The following IL2RB variants were observed in gnomAD, a reference collection of about 807,000 sequenced individuals.
IL2RB encodes interleukin 2 receptor subunit beta.
Under a neutral mutation model 44.2 loss-of-function variants are expected in IL2RB, and 17 were observed. That is an observed-to-expected ratio of 0.38 (90% CI 0.26 to 0.58). The LOEUF (loss-of-function observed/expected upper bound fraction) is 0.58, where lower values mean the gene tolerates loss of function less well. IL2RB is among the 20% of genes least tolerant of loss of function. The pLI, the probability that IL2RB is intolerant of heterozygous loss-of-function variation, is 0.63. For missense variants in IL2RB, 624 were observed against 685.5 expected, an observed-to-expected ratio of 0.91 and a Z score of 1.00; for synonymous variants, 286 against 297.9, an observed-to-expected ratio of 0.96 and a Z score of 0.41.
rs1921282462 is a variant in IL2RB, at chr22:37,128,894, C to T, written c.904-46G>A. On this transcript the variant is annotated intron_variant, in intron 9 of 9. Transcript: ENST00000216223. The surrounding 1 kb of genome is among the most constrained non-coding windows in gnomAD (Gnocchi z 4.5). The stretch of plus-strand genomic sequence containing the variant: ...GGTGGGTGAGTGGGGGCTTCCTTCA[C>T]CCTCCACCCCTTCCTCTGGACTCTC... The T allele has an allele frequency of 1.3e-6, 2 of 1,550,486 alleles. No individual in the cohort carries two copies. Among genetic ancestry groups the T allele is most frequent in the Non-Finnish European group, 8.7e-7 (1 of 1,145,968 alleles).
At chr22:37,133,036 C>T (rs954398075) in intron 8 of IL2RB, among the ~76,000 whole-genome samples, 2 of 152,192 alleles carry the variant, frequency 1.3e-5, no homozygotes, top group African/African-American at 2.4e-5. Flanking sequence ...TGTACATCAC[C>T]GTGAAGAAAG....
chr22:37,134,096 C>CA (rs1921567971), intron 8 of IL2RB, among the ~76,000 whole-genome samples: 2 of 152,010 alleles, frequency 1.3e-5, no homozygotes, highest in African/African-American at 2.4e-5. Flanking sequence ...GTTCTGCACT[C>CA]ACGGATTCAG....
intron 5 of IL2RB, among the ~76,000 whole-genome samples, chr22:37,138,767 GGGAATTTTCCAGGTGTAAA>G (rs933982649): frequency 6.6e-5 from 10 of 152,226 alleles, no homozygotes; most frequent in Non-Finnish European, 1.0e-4. Flanking sequence ...AAACGTGAGT[GGGAATTTTCCAGGTGTAAA>G]GGGCCTTCCA....
rs1316751578 is a variant in IL2RB, at chr22:37,136,234, G to T, written c.697C>A (p.Pro233Thr). 9 of 1,609,810 alleles carry T rather than the reference G, an allele frequency of 5.6e-6. No homozygotes were observed. The highest frequency in any genetic ancestry group is 7.6e-6 in the Non-Finnish European group (9 of 1,178,982). ...CCTTGCCGCCCACCAGTACCTGCAG[G>T]CTTTGTCCTGAAGGCCAGGGGCTGG... The part of the protein sequence containing the change: ...WSQPLAFRTK[P>T]AALGKDTIPW... Residue 233 changes from proline to threonine, a missense_variant, in exon 7 of 10, where the codon CCT becomes ACT. Pro to Thr is a conservative substitution (Grantham distance 38). Coordinates refer to ENST00000216223, the MANE Select transcript of IL2RB (RefSeq NM_000878.5).
At chr22:37,162,258 C>T (rs1922906807) in intron 1 of IL2RB, among the ~76,000 whole-genome samples, 1 of 152,116 alleles carries the variant, frequency 6.6e-6, no homozygotes, top group African/African-American at 2.4e-5. Flanking sequence ...GGAGTAGGAC[C>T]AGTGTTGTAC....
chr22:37,136,551 C>T, intron 6 of IL2RB, 158 bp from the exon 7 acceptor site: 1 of 747,700 alleles, frequency 1.3e-6, no homozygotes. Context: ...GCCTCAAACC[C>T]CAGGGTCATC....
In IL2RB at chr22:37,137,629, C is replaced by G; in HGVS notation, c.495G>C (p.Leu165=). 1.2e-6 allele frequency: 2 copies of G among 1,614,220 alleles called. No individual in the cohort carries two copies. Among genetic ancestry groups the G allele is most frequent in the Non-Finnish European group, 1.7e-6 (2 of 1,180,030 alleles). ...GGGACAGCGTCCGGGCCTCGAACTC[C>G]AGGTGTCTTTCAAAGTAGTGGGAGG... ...SQASHYFERH[L]EFEARTLSPG... is the part of the protein sequence containing the mutation. The change falls in exon 6 of 10, where the codon CTG becomes CTC. Residue 165 remains leucine (L), a synonymous_variant. Transcript: ENST00000216223.
At chr22:37,155,868 C>T (rs1253852535) in intron 1 of IL2RB, among the ~76,000 whole-genome samples, 2 of 152,202 alleles carry the variant, frequency 1.3e-5, no homozygotes, top group Admixed American at 6.5e-5. Flanking sequence ...GGGAACAAAC[C>T]GCCTCATACC....
intron 1 of IL2RB, among the ~76,000 whole-genome samples, chr22:37,172,756 A>T (rs1209883758): frequency 6.6e-6 from 1 of 152,220 alleles, no homozygotes; most frequent in Non-Finnish European, 1.5e-5. Flanking sequence ...TCAAGCTAGC[A>T]TCGTGATGTC....
chr22:37,163,689 G>A (rs1922961009), intron 1 of IL2RB, among the ~76,000 whole-genome samples: 1 of 152,250 alleles, frequency 6.6e-6, no homozygotes. Flanking sequence ...CCCCATTCGG[G>A]GGAAAGCCAG....
At chr22:37,172,799 G>A (rs1923332609) in intron 1 of IL2RB, among the ~76,000 whole-genome samples, 2 of 152,334 alleles carry the variant, frequency 1.3e-5, no homozygotes, top group East Asian at 3.9e-4. Context: ...CATGCATGCA[G>A]TCGGCTCTGG....
In IL2RB at chr22:37,128,343, T is replaced by G. The variant is rs1017189516; in HGVS notation, c.1409A>C (p.Gln470Pro). ...TCCTGGGGTGGGAGGCCCCAGGGGC[T>G]GGGGGTCCCAGTCTCTGGGGACTCT... is the stretch of plus-strand genomic sequence containing the variant. ...QERVPRDWDP[Q>P]PLGPPTPGVP... The change falls in exon 10 of 10, where the codon CAG becomes CCG. Residue 470 changes from glutamine to proline, a missense_variant. By Grantham distance (76) the Gln-to-Pro change is moderately conservative. This residue lies in a region of IL2RB where 291 missense variants were observed against 275.5 expected (regional missense o/e 1.06). Transcript: ENST00000216223. This position sits in a 1 kb window ranked among gnomAD's most constrained non-coding sequence, Gnocchi z 4.5. 3 of 1,503,064 alleles carry G rather than the reference T, an allele frequency of 2.0e-6. No homozygotes were observed. Among genetic ancestry groups the G allele is most frequent in the Non-Finnish European group, 2.7e-6 (3 of 1,126,914 alleles). The allele number at this position is 1,503,064 out of a possible 1,614,324, so 93.1% of individuals were successfully genotyped here. A position where few individuals can be genotyped will look rare whatever the true frequency, so the allele number is the denominator to read the frequency against.
rs760444455 is a variant in IL2RB, at chr22:37,135,392, T to C, written c.754A>G (p.Ser252Gly). 1 of 1,613,956 alleles carries C rather than the reference T, an allele frequency of 6.2e-7. No homozygotes were observed. Among genetic ancestry groups the C allele is most frequent in the South Asian group, 1.1e-5 (1 of 91,084 alleles). Residue 252 changes from serine to glycine, a missense_variant, in exon 8 of 10, where the codon AGC becomes GGC. Around this residue, in one of 3 missense-constraint regions of IL2RB, gnomAD observed 255 missense variants for 339.9 expected, o/e 0.75. Coordinates refer to ENST00000216223, the MANE Select transcript of IL2RB (RefSeq NM_000878.5). ...PWLGHLLVGLSGAFGFIILVY... is the reference protein window; with the variant it reads ...PWLGHLLVGLGGAFGFIILVY... The stretch of plus-strand genomic sequence containing the variant: ...AAGATGATGAAGCCAAAAGCCCCGC[T>C]GAGGCCCACGAGGAGGTGGCCGAGC...
intron 1 of IL2RB, among the ~76,000 whole-genome samples, chr22:37,164,173 G>A (rs528193881): frequency 3.5e-4 from 53 of 152,244 alleles, no homozygotes; most frequent in Middle Eastern, 3.4e-3. Context: ...CTCCCTCTGC[G>A]CTCCCTGCCC....
intron 1 of IL2RB, among the ~76,000 whole-genome samples, chr22:37,160,197 CTGAT>C (rs1922810261): frequency 6.6e-6 from 1 of 152,266 alleles, no homozygotes; most frequent in Non-Finnish European, 1.5e-5. Context: ...GGCCAGGACA[CTGAT>C]TGGCTGATGC....
chr22:37,166,903 C>G (rs1251332932), intron 1 of IL2RB: 2 of 152,066 alleles, frequency 1.3e-5, no homozygotes, highest in Non-Finnish European at 2.9e-5. Flanking sequence ...GGAAAGGCAG[C>G]CGAGACCAGC....
At chr22:37,147,549 A>G (rs1922283731) in intron 1 of IL2RB, among the ~76,000 whole-genome samples, 1 of 152,214 alleles carries the variant, frequency 6.6e-6, no homozygotes, top group Non-Finnish European at 1.5e-5. Flanking sequence ...CCCATTCTAC[A>G]GATGAGGAAA....
chr22:37,136,472 C>CCA, intron 6 of IL2RB, 79 bp from the exon 7 acceptor site: 2 of 1,446,158 alleles, frequency 1.4e-6, no homozygotes, highest in Non-Finnish European at 9.3e-7. Flanking sequence ...CAGAACCCCC[C>CCA]CCCAACCCCT....
intron 4 of IL2RB, 34 bp downstream of exon 4, chr22:37,142,400 C>T (rs769188565): frequency 6.3e-7 from 1 of 1,595,512 alleles, no homozygotes; most frequent in East Asian, 2.2e-5. Context: ...AGACCACCCT[C>T]TCCCTGCACT....
Sources: allele counts gnomAD v4.1 joint callset (sites outside exome capture counted in the v4.1 genomes callset), GRCh38; gene constraint gnomAD v4.1.1; regional missense constraint gnomAD v4.1.1; non-coding constraint Gnocchi (gnomAD v3.1); transcripts MANE v1.5; gene names NCBI Gene and HGNC (gene_info 2026-07-23, HGNC 2026-07-21).